MYOM2: variants seen among roughly 807,000 people sequenced by gnomAD.
MYOM2 encodes myomesin 2.
In MYOM2, 254 loss-of-function variants were observed where a neutral mutation model predicts 187.6. The observed-to-expected ratio is 1.35, with a 90% CI of 1.22 to 1.50. The LOEUF is 1.50. MYOM2 is among the 40% of genes most tolerant of loss of function. The pLI is 0.00. For synonymous variants in MYOM2, 981 were observed against 753.8 expected (o/e 1.30, Z -4.94); for missense variants, 2,796 against 1,924.0 (o/e 1.45, Z -8.48).
At chr8:2,130,000 C>G (rs1797797952) in intron 32 of MYOM2, among the ~76,000 whole-genome samples, 1 of 152,184 alleles carries the variant, frequency 6.6e-6, no homozygotes, top group Non-Finnish European at 1.5e-5. Context: ...GATCTCTTCG[C>G]TATCCAAAGG....
chr8:2,071,056 C>T (rs1465215269), intron 8 of MYOM2, among the ~76,000 whole-genome samples: 1 of 152,176 alleles, frequency 6.6e-6, no homozygotes, highest in East Asian at 1.9e-4. Flanking sequence ...CAGCCTTGAT[C>T]TCCCTGGCTC....
intron 2 of MYOM2, among the ~76,000 whole-genome samples, chr8:2,051,079 C>T (rs993453062): frequency 2.6e-5 from 4 of 152,074 alleles, no homozygotes; most frequent in East Asian, 1.9e-4. Flanking sequence ...TCCTGCTGGC[C>T]GAGTTCAGCT....
At chr8:2,058,853 G>C (rs980428008) in intron 5 of MYOM2, among the ~76,000 whole-genome samples, 2 of 152,250 alleles carry the variant, frequency 1.3e-5, no homozygotes, top group Admixed American at 1.3e-4. Context: ...CCGGGATCCA[G>C]CACCCAGTGT....
intron 10 of MYOM2, among the ~76,000 whole-genome samples, chr8:2,074,819 CA>C (rs1030636322): frequency 6.6e-5 from 10 of 152,302 alleles, no homozygotes; most frequent in Admixed American, 3.3e-4. Flanking sequence ...GGCTGCACCT[CA>C]GCAGCCTCTG....
intron 1 of MYOM2, among the ~76,000 whole-genome samples, chr8:2,048,218 G>C (rs1446155358): frequency 1.3e-5 from 2 of 152,228 alleles, no homozygotes; most frequent in African/African-American, 4.8e-5. Context: ...TGCTGGAGTG[G>C]AATTGCCTGG....
At chr8:2,093,289 C>T (rs1796371684) in intron 16 of MYOM2, among the ~76,000 whole-genome samples, 3 of 152,134 alleles carry the variant, frequency 2.0e-5, no homozygotes, top group African/African-American at 7.2e-5. Flanking sequence ...AAAGATCGAT[C>T]AGAATAAGAA....
Position 2,106,506 on chromosome 8 carries a change from A to T in MYOM2, c.2907A>T (p.Leu969Phe). The change falls in exon 23 of 37, where the codon TTA becomes TTT. Residue 969 changes from leucine to phenylalanine, a missense_variant. Coordinates refer to ENST00000262113, the MANE Select transcript of MYOM2 (RefSeq NM_003970.4). ...TCCTTTTTAGCTCCAAGCTGTACTT[A>T]AAGAATCCGGATAAGGAGGATTTAG... The part of the protein sequence containing the change: ...ETVGDHSKLY[L>F]KNPDKEDLGT... The T allele has an allele frequency of 6.2e-7, 1 of 1,612,582 alleles. No individual in the cohort carries two copies. Among genetic ancestry groups the T allele is most frequent in the Non-Finnish European group, 8.5e-7 (1 of 1,178,654 alleles).
Position 2,057,641 on chromosome 8 carries a change from T to C in MYOM2, c.421T>C (p.Trp141Arg), listed in dbSNP as rs1818714465. The change falls in exon 5 of 37, where the codon TGG becomes CGG. Residue 141 changes from tryptophan to arginine, a missense_variant. Coordinates refer to ENST00000262113, the MANE Select transcript of MYOM2 (RefSeq NM_003970.4). ...GGGGCAGATGGAGGACAAGCTGGCCTGGGAGAGACACACATTTGAAGAGCG... is the reference window on the plus strand; with the variant it reads ...GGGGCAGATGGAGGACAAGCTGGCCCGGGAGAGACACACATTTGAAGAGCG... ...IQQMMEDKLA[W>R]ERHTFEERIS... 6.2e-7 allele frequency: 1 copy of C among 1,614,046 alleles called. No homozygotes were observed.
At chr8:2,089,019 G>A (rs78985794) in intron 14 of MYOM2, among the ~76,000 whole-genome samples, 12,102 of 151,924 alleles carry the variant, frequency 0.08, 628 homozygotes, top group Middle Eastern at 0.11. Context: ...ACAAACGCCC[G>A]GGGCAGATAC....
At chr8:2,124,113 C>T in intron 30 of MYOM2, 66 bp from the exon 31 acceptor site, 2 of 1,460,140 alleles carry the variant, frequency 1.4e-6, no homozygotes, top group Non-Finnish European at 1.9e-6. Context: ...TTTAATTAAA[C>T]ATTGAAAATG....
chr8:2,101,423 C>G (rs1482474585), intron 20 of MYOM2, among the ~76,000 whole-genome samples: 1 of 152,206 alleles, frequency 6.6e-6, no homozygotes. Context: ...TTCGTCTTGG[C>G]GTTTCCCTCT....
In MYOM2 at chr8:2,111,466, C is replaced by G. The variant is rs574295942; in HGVS notation, c.3180+1935C>G. 4.1e-4 allele frequency among the ~76,000 whole-genome samples: 63 copies of G among 152,324 alleles called. 1 individual carries two copies. In the Middle Eastern group the frequency reaches 0.014, roughly 33 times the overall value. ...GTGAGAATCATACCTTTTTCTTACT[C>G]AGAGCCAGTTAAAGTAAGTTCCTAT... On this transcript the variant is annotated intron_variant, in intron 25 of 36. Transcript: ENST00000262113.
chr8:2,064,926 G>A (rs901817333), intron 6 of MYOM2, among the ~76,000 whole-genome samples: 2 of 152,226 alleles, frequency 1.3e-5, no homozygotes, highest in Non-Finnish European at 2.9e-5. Context: ...AAAAGACTTA[G>A]AAATTGTGTT....
chr8:2,078,420 A>C lies in MYOM2; in HGVS notation c.1263-314A>C, dbSNP rs188992010. Among the ~76,000 whole-genome samples the C allele has an allele frequency of 3.0e-3, 454 of 152,342 alleles. 4 individuals carry two copies. Among genetic ancestry groups the C allele is most frequent in the Middle Eastern group, 6.8e-3 (2 of 294 alleles). On this transcript the variant is annotated intron_variant, in intron 11 of 36. Coordinates refer to ENST00000262113, the MANE Select transcript of MYOM2 (RefSeq NM_003970.4). ...CAAGAACTGTTCAGGATGCGTCTAA[A>C]ATAATTTTTTGAGGAGATTTTTGCC...
intron 32 of MYOM2, among the ~76,000 whole-genome samples, chr8:2,132,985 G>A (rs1280506184): frequency 1.3e-5 from 2 of 152,292 alleles, no homozygotes; most frequent in African/African-American, 4.8e-5. Context: ...GCGGTGACGG[G>A]ACGTTCCCTT....
At chr8:2,079,643 C>T (rs766400629) in intron 13 of MYOM2, 30 bp downstream of exon 13, 5 of 1,605,812 alleles carry the variant, frequency 3.1e-6, no homozygotes, top group Admixed American at 1.7e-5. Context: ...CCCAGCTGCT[C>T]AGCCCCTGGG....
chr8:2,103,220 T>C (rs1267223338), intron 21 of MYOM2, among the ~76,000 whole-genome samples: 1 of 151,754 alleles, frequency 6.6e-6, no homozygotes, highest in Non-Finnish European at 1.5e-5. Context: ...AGTGTGCATG[T>C]TTTATGTGTA....
At chr8:2,049,296 C>T (rs1312092385) in intron 1 of MYOM2, among the ~76,000 whole-genome samples, 2 of 152,158 alleles carry the variant, frequency 1.3e-5, no homozygotes, top group Non-Finnish European at 2.9e-5. Flanking sequence ...GTAGCCTCTT[C>T]TACATGCTTT....
At chr8:2,080,848 G>A (rs568348103) in intron 13 of MYOM2, among the ~76,000 whole-genome samples, 2 of 143,998 alleles carry the variant, frequency 1.4e-5, no homozygotes, top group East Asian at 3.9e-4. Flanking sequence ...AGCCCGTGTA[G>A]AATGAGGTTT....
Sources: allele counts gnomAD v4.1 joint callset (sites outside exome capture counted in the v4.1 genomes callset), GRCh38; gene constraint gnomAD v4.1.1; transcripts MANE v1.5; gene names NCBI Gene and HGNC (gene_info 2026-07-23, HGNC 2026-07-21).